The following BBS9 variants were observed in gnomAD, a reference collection of about 807,000 sequenced individuals.
BBS9 encodes protein PTHB1.
BBS9 carries 89 observed loss-of-function variants against 117.7 expected under a neutral mutation model. That is an observed-to-expected ratio of 0.76 (90% CI 0.64 to 0.90). The LOEUF (loss-of-function observed/expected upper bound fraction) is 0.90, where lower values mean the gene tolerates loss of function less well. BBS9 is among the 40% of genes least tolerant of loss of function. The pLI is 0.00. For missense variants in BBS9, 982 were observed against 1,042.2 expected (o/e 0.94, Z 0.80); for synonymous variants, 379 against 370.9 (o/e 1.02, Z -0.25).
chr7:33,585,763 A>G (rs1167135085), intron 21 of BBS9, among the ~76,000 whole-genome samples: 1 of 152,066 alleles, frequency 6.6e-6, no homozygotes, highest in Non-Finnish European at 1.5e-5. Context: ...AGTTGTCTGG[A>G]TTATCTAAAG....
intron 16 of BBS9, among the ~76,000 whole-genome samples, chr7:33,358,699 G>A (rs1404833202): frequency 3.3e-5 from 5 of 151,722 alleles, no homozygotes; most frequent in Admixed American, 3.3e-4. Context: ...TCTTGATGGT[G>A]GGGTAGAATT....
rs1788258831 is a variant in BBS9 at position 33,212,759 on chromosome 7, G to C, written c.442+35168G>C. Among the ~76,000 whole-genome samples the C allele has an allele frequency of 2.0e-5, 3 of 152,140 alleles. No homozygotes were observed. The South Asian group carries it at 6.2e-4, about 32-fold the overall frequency. On this transcript the variant is annotated intron_variant, in intron 5 of 22. Coordinates refer to ENST00000242067, the MANE Select transcript of BBS9 (RefSeq NM_198428.3). Reference sequence around the variant, plus strand: ...AATATCGCTGTGGTTTCTGCAGGCTGGTAGAGGTACGGCCTTGGTAGCCTT... The same window carrying C: ...AATATCGCTGTGGTTTCTGCAGGCTCGTAGAGGTACGGCCTTGGTAGCCTT...
rs1792348007 is a variant in BBS9 at position 33,146,382 on chromosome 7, A to G, written c.112+18A>G. Reference sequence around the variant, plus strand: ...TGGACAAGGTAAGCAACTTACAACCATACATCTTGGATGAAAGTTTTAAAG... The same window carrying G: ...TGGACAAGGTAAGCAACTTACAACCGTACATCTTGGATGAAAGTTTTAAAG... On this transcript the variant is annotated intron_variant, in intron 2 of 22. Coordinates refer to ENST00000242067, the MANE Select transcript of BBS9 (RefSeq NM_198428.3). 1.3e-6 allele frequency: 2 copies of G among 1,575,616 alleles called. No individual in the cohort carries two copies. Among genetic ancestry groups the G allele is most frequent in the Non-Finnish European group, 1.7e-6 (2 of 1,144,980 alleles).
chr7:33,429,240 G>A (rs967654567), intron 19 of BBS9, among the ~76,000 whole-genome samples: 9 of 149,996 alleles, frequency 6.0e-5, no homozygotes, highest in African/African-American at 2.2e-4. Flanking sequence ...ATAATTTTGT[G>A]TTGCCACTCT....
Position 33,401,919 on chromosome 7 carries a change from C to G in BBS9, c.2115+13775C>G, listed in dbSNP as rs563245972. Among the ~76,000 whole-genome samples, 22 of 152,164 alleles carry G rather than the reference C, an allele frequency of 1.4e-4. No individual in the cohort carries two copies. In the East Asian group the frequency reaches 4.1e-3, roughly 28 times the overall value. ...GGGGTAAAATATTTTGATTTCCTTC[C>G]TTATATAATATCATGTGATGTTATG... On this transcript the variant is annotated intron_variant, in intron 19 of 22. Coordinates refer to ENST00000242067, the MANE Select transcript of BBS9 (RefSeq NM_198428.3).
At chr7:33,408,804 A>C (rs1184290750) in intron 19 of BBS9, among the ~76,000 whole-genome samples, 2 of 152,166 alleles carry the variant, frequency 1.3e-5, no homozygotes, top group Non-Finnish European at 2.9e-5. Flanking sequence ...CCCACAGTGG[A>C]TGAACTAATT....
chr7:33,569,220 C>A (rs899490361), intron 21 of BBS9, among the ~76,000 whole-genome samples: 1 of 152,106 alleles, frequency 6.6e-6, no homozygotes, highest in Non-Finnish European at 1.5e-5. Flanking sequence ...AAGTATTATA[C>A]ACAAACGCTT....
intron 21 of BBS9, among the ~76,000 whole-genome samples, chr7:33,592,858 T>C (rs1862160172): frequency 6.6e-6 from 1 of 152,136 alleles, no homozygotes; most frequent in Admixed American, 6.6e-5. Context: ...GCTCTCTTAT[T>C]ATGTGGTGTC....
intron 11 of BBS9, among the ~76,000 whole-genome samples, chr7:33,342,495 T>C (rs1319967231): frequency 6.6e-6 from 1 of 152,158 alleles, no homozygotes; most frequent in Non-Finnish European, 1.5e-5. Context: ...CTTTTAGTCT[T>C]TGTAGGAAAA....
chr7:33,440,735 A>G (rs1353852575), intron 19 of BBS9, among the ~76,000 whole-genome samples: 1 of 152,232 alleles, frequency 6.6e-6, no homozygotes, highest in Admixed American at 6.5e-5. Context: ...GAATATGGAA[A>G]AATTTCAGAG....
chr7:33,528,720 A>C (rs1850075709), intron 20 of BBS9, among the ~76,000 whole-genome samples: 1 of 152,234 alleles, frequency 6.6e-6, no homozygotes. Context: ...TAGAGAGATT[A>C]AATGAGTTAT....
chr7:33,202,837 T>C (rs1786137395), intron 5 of BBS9, among the ~76,000 whole-genome samples: 1 of 152,182 alleles, frequency 6.6e-6, no homozygotes, highest in African/African-American at 2.4e-5. Context: ...CATATCAACA[T>C]GGCTCTCCTG....
rs151337431 is a variant in BBS9 at position 33,192,630 on chromosome 7, G to A, written c.442+15039G>A. 6.6e-5 allele frequency among the ~76,000 whole-genome samples: 10 copies of A among 152,250 alleles called. No homozygotes were observed. The East Asian group carries it at 1.5e-3, about 24-fold the overall frequency. On this transcript the variant is annotated intron_variant, in intron 5 of 22. Transcript: ENST00000242067. ...CATTAAACCTGAGATTTCCTGACAC[G>A]TAGTAGTGTCCTAGTCCATTTGTGT...
intron 17 of BBS9, among the ~76,000 whole-genome samples, chr7:33,377,295 GTT>G (rs1824079644): frequency 4.0e-5 from 6 of 151,688 alleles, no homozygotes; most frequent in Admixed American, 3.9e-4. Flanking sequence ...CCATTTGCGT[GTT>G]TTTGTCAGCT....
At chr7:33,520,972 A>G (rs1253752343) in intron 20 of BBS9, among the ~76,000 whole-genome samples, 2 of 152,150 alleles carry the variant, frequency 1.3e-5, no homozygotes, top group African/African-American at 4.8e-5. Flanking sequence ...GATTTGCATT[A>G]TCAATTTGAT....
intron 5 of BBS9, among the ~76,000 whole-genome samples, chr7:33,199,627 T>C (rs370970076): frequency 4.0e-5 from 6 of 151,832 alleles, no homozygotes; most frequent in African/African-American, 4.8e-5. Context: ...TCTCCTTTCC[T>C]CCTCCTCTCA....
intron 21 of BBS9, among the ~76,000 whole-genome samples, chr7:33,546,154 T>G (rs143985729): frequency 2.0e-5 from 3 of 151,988 alleles, no homozygotes; most frequent in Admixed American, 2.0e-4. Context: ...AGGATGGTCT[T>G]GATCTTCTGA....
At chr7:33,546,480 G>A (rs1319399524) in intron 21 of BBS9, among the ~76,000 whole-genome samples, 1 of 152,056 alleles carries the variant, frequency 6.6e-6, no homozygotes, top group Non-Finnish European at 1.5e-5. Flanking sequence ...AGATTTTATA[G>A]TTGCCTCCTA....
intron 4 of BBS9, among the ~76,000 whole-genome samples, chr7:33,160,628 G>A (rs1794699448): frequency 6.6e-6 from 1 of 152,190 alleles, no homozygotes; most frequent in African/African-American, 2.4e-5. Flanking sequence ...CTTCTGGGGA[G>A]AAACTTTCCT....
Sources: gnomAD v4.1 joint callset for allele counts (sites outside exome capture counted in the v4.1 genomes callset) on GRCh38, gnomAD v4.1.1 for gene constraint, MANE v1.5 for transcripts, NCBI Gene and HGNC (gene_info 2026-07-23, HGNC 2026-07-21) for gene names.